The following NUDT3 variants were observed in gnomAD, a reference collection of about 807,000 sequenced individuals.
NUDT3 encodes the protein nudix hydrolase 3.
NUDT3 carries 9 observed loss-of-function variants against 23.6 expected under a neutral mutation model. That is an observed-to-expected ratio of 0.38 (90% CI 0.23 to 0.66). The LOEUF (loss-of-function observed/expected upper bound fraction) is 0.66, where lower values mean the gene tolerates loss of function less well. NUDT3 is among the 30% of genes least tolerant of loss of function. The probability of loss-of-function intolerance (pLI) is 0.52; values close to 1 mark genes in which losing one functional copy is unlikely to be tolerated. For missense variants in NUDT3, 172 were observed against 218.5 expected, an observed-to-expected ratio of 0.79 and a Z score of 1.34; for synonymous variants, 86 against 82.6, an observed-to-expected ratio of 1.04 and a Z score of -0.22.
At chr6:34,359,483 T>A (rs540529700) in intron 1 of NUDT3, among the ~76,000 whole-genome samples, 1 of 152,372 alleles carries the variant, frequency 6.6e-6, no homozygotes, top group African/African-American at 2.4e-5. Flanking sequence ...TCTATGGATT[T>A]GCTTATTCTG....
rs572496050 is a variant in NUDT3, at chr6:34,382,354, G to A, written c.99+9910C>T. Among the ~76,000 whole-genome samples the A allele has an allele frequency of 4.6e-5, 7 of 152,242 alleles. No individual in the cohort carries two copies. The East Asian group carries it at 1.4e-3, about 29-fold the overall frequency. On this transcript the variant is annotated intron_variant, in intron 1 of 4. Transcript: ENST00000607016. ...GAAGGTTGGGGCTGCATTGAGCTAT[G>A]ATCACACCACTACACTCCAGCCTGG...
intron 1 of NUDT3, among the ~76,000 whole-genome samples, chr6:34,359,926 G>A (rs995446026): frequency 7.4e-6 from 1 of 135,708 alleles, no homozygotes; most frequent in African/African-American, 3.6e-5. Flanking sequence ...ACTAACACTT[G>A]TTATTTTCCA....
chr6:34,351,784 C>G (rs1764483353), intron 1 of NUDT3, among the ~76,000 whole-genome samples: 1 of 145,532 alleles, frequency 6.9e-6, no homozygotes, highest in South Asian at 2.2e-4. Context: ...AATATACATA[C>G]ACACAGATGT....
At chr6:34,383,253 A>T (rs1765052757) in intron 1 of NUDT3, among the ~76,000 whole-genome samples, 2 of 152,184 alleles carry the variant, frequency 1.3e-5, no homozygotes, top group Admixed American at 6.5e-5. Flanking sequence ...TACAAAACAC[A>T]TCAGAAATAT....
intron 1 of NUDT3, among the ~76,000 whole-genome samples, chr6:34,356,720 A>G (rs1477031440): frequency 6.6e-6 from 1 of 152,178 alleles, no homozygotes; most frequent in Non-Finnish European, 1.5e-5. Context: ...AAAAAAATCA[A>G]TCATTTATTT....
At chr6:34,321,308 C>A (rs376694602) in intron 2 of NUDT3, among the ~76,000 whole-genome samples, 1 of 151,720 alleles carries the variant, frequency 6.6e-6, no homozygotes, top group Non-Finnish European at 1.5e-5. Context: ...CGTGGTGGTG[C>A]GCACCTGTAA....
chr6:34,309,722 G>A (rs1763742194), intron 2 of NUDT3, among the ~76,000 whole-genome samples: 1 of 151,726 alleles, frequency 6.6e-6, no homozygotes, highest in Non-Finnish European at 1.5e-5. Context: ...AAAAAAAGAA[G>A]ACACAAATTA....
intron 1 of NUDT3, among the ~76,000 whole-genome samples, chr6:34,375,661 G>A (rs766449926): frequency 2.6e-5 from 4 of 152,126 alleles, no homozygotes; most frequent in African/African-American, 9.7e-5. Flanking sequence ...GAGTTTTCTC[G>A]AATTCATGTC....
intron 2 of NUDT3, among the ~76,000 whole-genome samples, chr6:34,312,391 G>A (rs1470855217): frequency 3.5e-5 from 5 of 143,076 alleles, no homozygotes; most frequent in Non-Finnish European, 3.0e-5. Context: ...AACAAAGTGA[G>A]ACTCATCACC....
chr6:34,342,289 CAAAA>C (rs200954440), intron 1 of NUDT3, among the ~76,000 whole-genome samples: 15 of 66,494 alleles, frequency 2.3e-4, no homozygotes, highest in African/African-American at 5.0e-4. Flanking sequence ...TAGAAGACTT[CAAAA>C]AAAAAAAAAA....
At chr6:34,371,341 C>T (rs771115459) in intron 1 of NUDT3, among the ~76,000 whole-genome samples, 1 of 151,670 alleles carries the variant, frequency 6.6e-6, no homozygotes, top group Non-Finnish European at 1.5e-5. Context: ...GGTGGCGTGC[C>T]GGTAGTCCAA....
At chr6:34,300,522 A>C (rs529734112) in intron 2 of NUDT3, among the ~76,000 whole-genome samples, 1 of 152,310 alleles carries the variant, frequency 6.6e-6, no homozygotes, top group East Asian at 1.9e-4. Context: ...TCTCTCAGGG[A>C]CTTCTGGAAA....
intron 1 of NUDT3, among the ~76,000 whole-genome samples, chr6:34,386,704 A>G (rs1765113056): frequency 6.6e-6 from 1 of 152,216 alleles, no homozygotes; most frequent in Admixed American, 6.5e-5. Context: ...GTCCCAAGAG[A>G]TTATAATGGA....
chr6:34,308,592 G>A lies in NUDT3; in HGVS notation c.211-12907C>T, dbSNP rs575144348. 6.6e-4 allele frequency among the ~76,000 whole-genome samples: 100 copies of A among 152,186 alleles called. 1 individual carries two copies. Among genetic ancestry groups the A allele is most frequent in the African/African-American group, 1.9e-3 (79 of 41,522 alleles). On this transcript the variant is annotated intron_variant, in intron 2 of 4. Transcript: ENST00000607016. ...ACACATACCTTGAAAGTAAAGGGAT[G>A]GAGAGTGATACATACCGTGCTAACA...
At chr6:34,297,733 AT>A (rs1561898948) in intron 2 of NUDT3, among the ~76,000 whole-genome samples, 690 of 25,916 alleles carry the variant, frequency 0.027, 3 homozygotes, top group Non-Finnish European at 0.033. Flanking sequence ...AAAAAAAAAT[AT>A]ATATATATAT....
At chr6:34,354,722 C>T (rs1050290069) in intron 1 of NUDT3, among the ~76,000 whole-genome samples, 4 of 124,730 alleles carry the variant, frequency 3.2e-5, no homozygotes, top group African/African-American at 1.2e-4. Context: ...GACTCTATCT[C>T]GGGGGGGAAA....
At chr6:34,295,736 C>T in intron 2 of NUDT3, 51 bp from the exon 3 acceptor site, 1 of 1,605,618 alleles carries the variant, frequency 6.2e-7, no homozygotes, top group Non-Finnish European at 8.5e-7. Flanking sequence ...TATTGCTGGT[C>T]TCATTCTGAG....
At chr6:34,352,462 C>T (rs183444063) in intron 1 of NUDT3, among the ~76,000 whole-genome samples, 2 of 152,324 alleles carry the variant, frequency 1.3e-5, no homozygotes, top group African/African-American at 2.4e-5. Flanking sequence ...GAGCCACCAT[C>T]CCTGGGCCTT....
At chr6:34,370,915 C>G (rs1447934000) in intron 1 of NUDT3, among the ~76,000 whole-genome samples, 1 of 150,412 alleles carries the variant, frequency 6.6e-6, no homozygotes, top group Non-Finnish European at 1.5e-5. Flanking sequence ...ACCAGCCTAA[C>G]CAACATGGTG....
Sources: gnomAD v4.1 joint callset for allele counts (sites outside exome capture counted in the v4.1 genomes callset) on GRCh38, gnomAD v4.1.1 for gene constraint, MANE v1.5 for transcripts, NCBI Gene and HGNC (gene_info 2026-07-23, HGNC 2026-07-21) for gene names.